Variants in RGS6 observed in about 807,000 individuals in gnomAD.
RGS6 encodes the protein regulator of G-protein signaling 6.
In RGS6, 30 loss-of-function variants were observed where a neutral mutation model predicts 78.5. The ratio of observed to expected loss-of-function variants is 0.38; its 90% confidence interval spans 0.29 to 0.52. The LOEUF is 0.52. Ranked by LOEUF, RGS6 falls within the 20% of genes least tolerant of loss-of-function variation. The probability of loss-of-function intolerance (pLI) is 0.85; values close to 1 mark genes in which losing one functional copy is unlikely to be tolerated. For synonymous variants in RGS6, 206 were observed against 206.0 expected (o/e 1.00, Z 0.00); for missense variants, 495 against 609.7 (o/e 0.81, Z 1.98).
intron 2 of RGS6, among the ~76,000 whole-genome samples, chr14:72,189,079 T>G (rs1395486141): frequency 6.6e-6 from 1 of 152,160 alleles, no homozygotes; most frequent in Non-Finnish European, 1.5e-5. Flanking sequence ...AGATAGTAAA[T>G]GTGTTAGACC....
chr14:71,898,011 CTT>C, the RGS6 span, among the ~76,000 whole-genome samples: 2 of 139,430 alleles, frequency 1.4e-5, no homozygotes, highest in Non-Finnish European at 1.6e-5. Context: ...TTTTTATTTC[CTT>C]TTTTTTTTTG....
chr14:72,093,033 AGTGTGTGTGTGTGT>A (rs10567555), intron 2 of RGS6, among the ~76,000 whole-genome samples: 3 of 149,544 alleles, frequency 2.0e-5, no homozygotes, highest in African/African-American at 4.9e-5. Context: ...ACATACCAAA[AGTGTGTGTGTGTGT>A]GTGTGTGTGT....
chr14:72,442,555 TG>T (rs2095244028), intron 3 of RGS6, among the ~76,000 whole-genome samples: 1 of 152,168 alleles, frequency 6.6e-6, no homozygotes. Flanking sequence ...TATTCATCAT[TG>T]CTGGTGGATG....
At chr14:72,387,150 G>A (rs2088367756) in intron 3 of RGS6, among the ~76,000 whole-genome samples, 1 of 151,978 alleles carries the variant, frequency 6.6e-6, no homozygotes, top group Admixed American at 6.6e-5. Flanking sequence ...CACATTATAA[G>A]ATATATATAA....
At chr14:72,072,392 TC>T (rs1282236531) in intron 2 of RGS6, among the ~76,000 whole-genome samples, 1 of 151,288 alleles carries the variant, frequency 6.6e-6, no homozygotes, top group Non-Finnish European at 1.5e-5. Context: ...CACTGCAACC[TC>T]TGCCTCTTGG....
At chr14:72,485,050 G>C (rs947731999) in intron 12 of RGS6, among the ~76,000 whole-genome samples, 1 of 151,756 alleles carries the variant, frequency 6.6e-6, no homozygotes, top group African/African-American at 2.4e-5. Context: ...ACAATGGTGG[G>C]TAGCACATTT....
chr14:71,964,558 T>G (rs556095145), intron 1 of RGS6, among the ~76,000 whole-genome samples: 3 of 152,222 alleles, frequency 2.0e-5, no homozygotes, highest in South Asian at 4.2e-4. Context: ...GGGTGTGCGA[T>G]TCTGAGCTGA....
chr14:72,141,703 C>T (rs944354767), intron 2 of RGS6, among the ~76,000 whole-genome samples: 1 of 152,072 alleles, frequency 6.6e-6, no homozygotes, highest in Non-Finnish European at 1.5e-5. Flanking sequence ...TCTTTAATAG[C>T]CCATCACTTC....
chr14:72,231,115 G>A lies in RGS6; in HGVS notation c.85-120980G>A, dbSNP rs547579794. On this transcript the variant is annotated intron_variant, in intron 2 of 17. Coordinates refer to ENST00000553525, the MANE Select transcript of RGS6 (RefSeq NM_001204424.2). ...TGGAGTCTCAAGGGGAGATCTTGAC[G>A]TTGCTGTCGAGAGAATGGTGGACAA... is the stretch of plus-strand genomic sequence containing the variant. Among the ~76,000 whole-genome samples, 19 of 152,254 alleles carry A rather than the reference G, an allele frequency of 1.2e-4. No individual in the cohort carries two copies. In the Middle Eastern group the frequency reaches 0.01, roughly 82 times the overall value.
intron 2 of RGS6, among the ~76,000 whole-genome samples, chr14:72,341,576 A>G (rs577120058): frequency 4.6e-5 from 7 of 152,312 alleles, no homozygotes; most frequent in African/African-American, 1.4e-4. Flanking sequence ...CATGACCAGC[A>G]AGCAGACTCA....
At chr14:72,300,945 C>T (rs2065923426) in intron 2 of RGS6, among the ~76,000 whole-genome samples, 1 of 152,182 alleles carries the variant, frequency 6.6e-6, no homozygotes, top group South Asian at 2.1e-4. Context: ...GTGGCCATGA[C>T]AGAAATATGC....
the RGS6 span, among the ~76,000 whole-genome samples, chr14:72,587,571 C>T: frequency 6.6e-6 from 1 of 151,972 alleles, no homozygotes; most frequent in Non-Finnish European, 1.5e-5. Flanking sequence ...ATTAATATAC[C>T]CACTTACAAG....
chr14:71,995,334 C>A (rs2153198330), intron 2 of RGS6, among the ~76,000 whole-genome samples: 1 of 152,328 alleles, frequency 6.6e-6, no homozygotes, highest in South Asian at 2.1e-4. Flanking sequence ...ATGGGCTGCC[C>A]CTGAACATAG....
At chr14:72,470,307 G>A (rs2153303798) in intron 8 of RGS6, among the ~76,000 whole-genome samples, 1 of 152,332 alleles carries the variant, frequency 6.6e-6, no homozygotes, top group African/African-American at 2.4e-5. Context: ...GCAGACAAGG[G>A]AGATCCTCCC....
At chr14:72,555,581 G>A (rs901030188) in intron 17 of RGS6, among the ~76,000 whole-genome samples, 1 of 152,236 alleles carries the variant, frequency 6.6e-6, no homozygotes, top group Admixed American at 6.5e-5. Flanking sequence ...TCATCCCTGA[G>A]TGTTTCCATC....
At chr14:71,867,827 G>A in the RGS6 span, among the ~76,000 whole-genome samples, 1 of 152,096 alleles carries the variant, frequency 6.6e-6, no homozygotes, top group Non-Finnish European at 1.5e-5. Flanking sequence ...AGGGGATGTG[G>A]GCTCACTGGG....
intron 3 of RGS6, among the ~76,000 whole-genome samples, chr14:72,403,262 A>C (rs1237547066): frequency 6.6e-6 from 1 of 152,244 alleles, no homozygotes; most frequent in African/African-American, 2.4e-5. Flanking sequence ...ATGGAATACT[A>C]TTCAGCCATT....
the RGS6 span, among the ~76,000 whole-genome samples, chr14:71,890,035 G>A: frequency 6.6e-6 from 1 of 152,128 alleles, no homozygotes; most frequent in Admixed American, 6.5e-5. Flanking sequence ...ATGATTGGAA[G>A]CTCTCTGAGG....
chr14:72,544,560 T>G (rs902129556), intron 17 of RGS6, among the ~76,000 whole-genome samples: 1 of 152,110 alleles, frequency 6.6e-6, no homozygotes, highest in Non-Finnish European at 1.5e-5. Context: ...GCATCGAAGT[T>G]TAGCTTTGCC....
Sources: gnomAD v4.1 joint callset for allele counts (sites outside exome capture counted in the v4.1 genomes callset) on GRCh38, gnomAD v4.1.1 for gene constraint, MANE v1.5 for transcripts, NCBI Gene and HGNC (gene_info 2026-07-23, HGNC 2026-07-21) for gene names.